Variants in RUNX1T1 observed in about 807,000 individuals in gnomAD.
RUNX1T1 encodes protein CBFA2T1.
RUNX1T1 carries 4 observed loss-of-function variants against 62.8 expected under a neutral mutation model. That is an observed-to-expected ratio of 0.06 (90% CI 0.03 to 0.15). The LOEUF (loss-of-function observed/expected upper bound fraction) is 0.15. Among genes scored for constraint, RUNX1T1 ranks in the 10% least tolerant of loss-of-function variants. The pLI, the probability that RUNX1T1 is intolerant of heterozygous loss-of-function variation, is 1.00. For synonymous variants in RUNX1T1, 291 were observed against 286.0 expected (o/e 1.02, Z -0.18); for missense variants, 508 against 754.3 (o/e 0.67, Z 3.82).
intron 1 of RUNX1T1, among the ~76,000 whole-genome samples, chr8:92,076,394 T>G (rs1834423364): frequency 6.6e-6 from 1 of 152,114 alleles, no homozygotes; most frequent in Non-Finnish European, 1.5e-5. Flanking sequence ...CCCTGAAAGC[T>G]CTTCTTTTCT....
At chr8:92,076,203 C>T (rs1341196443) in intron 1 of RUNX1T1, 66 bp from the exon 2 acceptor site, 2 of 1,293,990 alleles carry the variant, frequency 1.5e-6, no homozygotes, top group Admixed American at 3.3e-5. Context: ...TCATACCCAT[C>T]TGTTTACATG....
chr8:92,100,951 T>C (rs1838007510), upstream of RUNX1T1, among the ~76,000 whole-genome samples: 1 of 152,208 alleles, frequency 6.6e-6, no homozygotes, highest in African/African-American at 2.4e-5. Context: ...AATACTCACA[T>C]GGTCAAGGCA....
chr8:91,978,823 A>G (rs982263973), intron 8 of RUNX1T1, among the ~76,000 whole-genome samples: 2 of 152,198 alleles, frequency 1.3e-5, no homozygotes, highest in Non-Finnish European at 2.9e-5. Context: ...CATATACCAC[A>G]CTGGAAAGTT....
chr8:92,049,729 C>T (rs77876817), intron 1 of RUNX1T1, among the ~76,000 whole-genome samples: 4,893 of 152,208 alleles, frequency 0.032, 268 homozygotes, highest in African/African-American at 0.11. Flanking sequence ...CACAATAAGT[C>T]GAACTCTATT....
intron 1 of RUNX1T1, among the ~76,000 whole-genome samples, chr8:92,092,605 A>C (rs1387184755): frequency 1.3e-5 from 2 of 152,214 alleles, no homozygotes; most frequent in Non-Finnish European, 2.9e-5. Flanking sequence ...TAAGTTAAAA[A>C]TTGTAGTATT....
At chr8:92,023,369 C>T (rs866325249) in intron 1 of RUNX1T1, among the ~76,000 whole-genome samples, 15 of 152,228 alleles carry the variant, frequency 9.9e-5, no homozygotes, top group Middle Eastern at 3.4e-3. Context: ...GATGACCACC[C>T]TGAAAACATA....
chr8:91,979,817 C>T lies in RUNX1T1; in HGVS notation c.1199-3844G>A, dbSNP rs372060886. On this transcript the variant is annotated intron_variant, in intron 8 of 10. Transcript: ENST00000396218. Reference sequence around the variant, plus strand: ...ATTGGATACTAGATACTGCAAGGGCCGCCATCAATATACATGAAGGGATGA... The same window carrying T: ...ATTGGATACTAGATACTGCAAGGGCTGCCATCAATATACATGAAGGGATGA... 5.7e-4 allele frequency: 302 copies of T among 529,986 alleles called. 2 individuals are homozygous for T. The highest frequency in any genetic ancestry group is 1.1e-3 in the Middle Eastern group (4 of 3,548). 32.8% of individuals were successfully genotyped at this position (529,986 alleles called of 1,614,324 possible).
chr8:91,998,100 G>C (rs1222097912), intron 5 of RUNX1T1, among the ~76,000 whole-genome samples: 1 of 152,044 alleles, frequency 6.6e-6, no homozygotes, highest in South Asian at 2.1e-4. Context: ...TGAATCAAGG[G>C]GGGGAAAATC....
chr8:92,021,338 T>TC (rs1824055550), intron 1 of RUNX1T1, among the ~76,000 whole-genome samples: 2 of 152,090 alleles, frequency 1.3e-5, no homozygotes, highest in Admixed American at 1.3e-4. Context: ...ATGTAGTGAC[T>TC]CCAATGTCTG....
chr8:92,063,964 T>C (rs116160641), upstream of RUNX1T1, among the ~76,000 whole-genome samples: 282 of 152,302 alleles, frequency 1.9e-3, 1 homozygote, highest in African/African-American at 6.1e-3. Flanking sequence ...ACTCTTGCTA[T>C]TCCTTCAGTC....
intron 3 of RUNX1T1, among the ~76,000 whole-genome samples, chr8:92,014,062 G>A (rs763439603): frequency 3.3e-5 from 5 of 152,030 alleles, no homozygotes; most frequent in Non-Finnish European, 7.3e-5. Flanking sequence ...AAATTTCAAT[G>A]TTATTCATCT....
At chr8:91,970,690 C>A (rs1245991111) in exon 10 of RUNX1T1, 1 of 1,611,552 alleles carries the variant, frequency 6.2e-7, no homozygotes, top group Non-Finnish European at 8.5e-7. Context: ...TTGATAACTG[C>A]CAGTGCGTCC....
At chr8:92,040,172 C>T (rs1297300906) in intron 1 of RUNX1T1, among the ~76,000 whole-genome samples, 1 of 152,186 alleles carries the variant, frequency 6.6e-6, no homozygotes, top group Non-Finnish European at 1.5e-5. Context: ...AGCTTATGAT[C>T]TTTCAAGACA....
At chr8:91,978,575 T>C (rs934482251) in intron 8 of RUNX1T1, among the ~76,000 whole-genome samples, 7 of 152,230 alleles carry the variant, frequency 4.6e-5, no homozygotes, top group Admixed American at 3.9e-4. Flanking sequence ...ATACACCAAG[T>C]AATTTTTTAA....
chr8:91,960,598 A>G, intron 10 of RUNX1T1, 81 bp from the exon 12 acceptor site: 1 of 1,423,006 alleles, frequency 7.0e-7, no homozygotes, highest in Admixed American at 1.8e-5. Flanking sequence ...GTTAGGCATC[A>G]CTGTAGCCTT....
chr8:92,015,166 A>G (rs1025111109), intron 2 of RUNX1T1, among the ~76,000 whole-genome samples: 6 of 152,308 alleles, frequency 3.9e-5, no homozygotes, highest in African/African-American at 1.4e-4. Context: ...TTTTTGTCGC[A>G]GGCTTACATC....
intron 2 of RUNX1T1, among the ~76,000 whole-genome samples, chr8:92,015,189 C>CTA (rs1220475575): frequency 2.0e-4 from 30 of 152,186 alleles, no homozygotes; most frequent in Admixed American, 2.6e-4. Flanking sequence ...TATAACAGGA[C>CTA]TATTCCTTTC....
Position 91,982,476 on chromosome 8 carries a change from C to A in RUNX1T1, c.1198+3648G>T, listed in dbSNP as rs187559250. Among the ~76,000 whole-genome samples, 461 of 152,282 alleles carry A rather than the reference C, an allele frequency of 3.0e-3. 3 individuals are homozygous for A. Among genetic ancestry groups the A allele is most frequent in the African/African-American group, 0.011 (441 of 41,566 alleles). On this transcript the variant is annotated intron_variant, in intron 8 of 10. Coordinates refer to ENST00000396218, the Ensembl canonical transcript of RUNX1T1. ...AAAAGAGCTACTAAGGAGATTCTGA[C>A]AAGCACTTCGGAAAACATACAAAGT...
intron 5 of RUNX1T1, 141 bp downstream of exon 6, chr8:92,004,975 T>C (rs964985818): frequency 2.0e-5 from 14 of 716,204 alleles, no homozygotes; most frequent in African/African-American, 1.8e-4. Context: ...CAGAGCCAGA[T>C]TCTCAAGATG....
Sources: gnomAD v4.1 joint callset for allele counts (sites outside exome capture counted in the v4.1 genomes callset) on GRCh38, gnomAD v4.1.1 for gene constraint, MANE v1.5 for transcripts, NCBI Gene and HGNC (gene_info 2026-07-23, HGNC 2026-07-21) for gene names.